ZDHHC21: variants seen among roughly 807,000 people sequenced by gnomAD.
ZDHHC21 encodes the protein zDHHC palmitoyltransferase 21.
A neutral mutation model predicts 34.6 loss-of-function variants in ZDHHC21; 15 were observed. The ratio of observed to expected loss-of-function variants is 0.43; its 90% CI spans 0.29 to 0.67. The LOEUF is 0.67. Ranked by LOEUF, ZDHHC21 falls within the 30% of genes least tolerant of loss-of-function variation. The pLI is 0.14. For missense variants in ZDHHC21, 344 were observed against 327.7 expected, an observed-to-expected ratio of 1.05 and a Z score of -0.38; for synonymous variants, 142 against 101.8, an observed-to-expected ratio of 1.40 and a Z score of -2.38.
chr9:14,605,461 C>T, the ZDHHC21 span, among the ~76,000 whole-genome samples: 3 of 152,058 alleles, frequency 2.0e-5, no homozygotes, highest in African/African-American at 7.2e-5. Context: ...CTTCACGTAC[C>T]TGTTGGTCAT....
intron 8 of ZDHHC21, among the ~76,000 whole-genome samples, chr9:14,620,558 G>A (rs1456848463): frequency 1.6e-5 from 1 of 62,990 alleles, no homozygotes; most frequent in Non-Finnish European, 2.8e-5. Flanking sequence ...TTTATACATA[G>A]GTGGACTTAT....
chr9:14,647,707 C>A (rs1188153883), intron 7 of ZDHHC21, among the ~76,000 whole-genome samples: 1 of 152,098 alleles, frequency 6.6e-6, no homozygotes, highest in African/African-American at 2.4e-5. Flanking sequence ...TCTCTCACCA[C>A]CATTCTACTC....
chr9:14,657,164 C>A (rs1176243896), intron 7 of ZDHHC21, among the ~76,000 whole-genome samples: 1 of 151,942 alleles, frequency 6.6e-6, no homozygotes, highest in East Asian at 1.9e-4. Flanking sequence ...ATTGGAATTT[C>A]CTTAGTTGGT....
At chr9:14,632,423 T>A (rs1827532092) in intron 8 of ZDHHC21, among the ~76,000 whole-genome samples, 1 of 152,048 alleles carries the variant, frequency 6.6e-6, no homozygotes, top group Admixed American at 6.6e-5. Flanking sequence ...GGACCCCTAC[T>A]TCACACAATG....
At chr9:14,646,692 A>G (rs1830330138) in intron 7 of ZDHHC21, among the ~76,000 whole-genome samples, 1 of 152,082 alleles carries the variant, frequency 6.6e-6, no homozygotes, top group South Asian at 2.1e-4. Context: ...AGACAACCAC[A>G]AGCATACTCC....
intron 8 of ZDHHC21, among the ~76,000 whole-genome samples, chr9:14,639,642 A>AT (rs1362925682): frequency 6.6e-6 from 1 of 152,126 alleles, no homozygotes; most frequent in East Asian, 1.9e-4. Context: ...CTGTGTATCA[A>AT]TAAAAAACTA....
rs1824286143 is a variant in ZDHHC21 at position 14,616,835 on chromosome 9, C to G, written c.*2131G>C. ...TTTGTAGTCCAATAATTTAGGGGAA[C>G]TGAGTACAGAGGGATCAGGACCAGG... On this transcript the variant is annotated 3_prime_UTR_variant, in exon 10 of 10. Transcript: ENST00000380916. 1 of 151,538 alleles carries G rather than the reference C, an allele frequency of 6.6e-6. No homozygotes were observed. Among genetic ancestry groups the G allele is most frequent in the Non-Finnish European group, 1.5e-5 (1 of 67,790 alleles). 9.4% of individuals were successfully genotyped at this position (151,538 alleles called of 1,614,324 possible). A position where few individuals can be genotyped will look rare whatever the true frequency, so the allele number is the denominator to read the frequency against.
At chr9:14,663,354 GGACCCT>G (rs1419832881) in intron 5 of ZDHHC21, among the ~76,000 whole-genome samples, 2 of 151,938 alleles carry the variant, frequency 1.3e-5, no homozygotes, top group African/African-American at 4.8e-5. Flanking sequence ...ATGAAGAGTA[GGACCCT>G]AGCACATACT....
chr9:14,627,696 C>T (rs1826529684), intron 8 of ZDHHC21, among the ~76,000 whole-genome samples: 1 of 152,104 alleles, frequency 6.6e-6, no homozygotes, highest in South Asian at 2.1e-4. Context: ...CACAATAGCT[C>T]ACTGTCAGAA....
At position 14,655,467 on chromosome 9, in the gene ZDHHC21, A is replaced by G. The variant is rs140204209; in HGVS notation, c.504+3282T>C. Reference sequence around the variant, plus strand: ...AACATATAACTTGTATAACAATATAACACATAATGTATATGTAACAACAAT... The same window carrying G: ...AACATATAACTTGTATAACAATATAGCACATAATGTATATGTAACAACAAT... On this transcript the variant is annotated intron_variant, in intron 7 of 9. Coordinates refer to ENST00000380916, the MANE Select transcript of ZDHHC21 (RefSeq NM_178566.6). Among the ~76,000 whole-genome samples the G allele has an allele frequency of 6.2e-4, 95 of 152,086 alleles. 1 individual carries two copies. The highest frequency in any genetic ancestry group is 1.8e-4 in the Non-Finnish European group (12 of 67,846).
At chr9:14,650,054 C>T (rs1163859548) in intron 7 of ZDHHC21, among the ~76,000 whole-genome samples, 5 of 151,964 alleles carry the variant, frequency 3.3e-5, no homozygotes, top group African/African-American at 1.2e-4. Context: ...TTATAACTGA[C>T]TATGGAAACA....
At chr9:14,637,751 GAGAA>G (rs1828564690) in intron 8 of ZDHHC21, among the ~76,000 whole-genome samples, 2 of 151,788 alleles carry the variant, frequency 1.3e-5, no homozygotes, top group South Asian at 4.2e-4. Flanking sequence ...ATAATGAACT[GAGAA>G]AGAAAGAAAA....
At chr9:14,597,196 ATT>A in the ZDHHC21 span, among the ~76,000 whole-genome samples, 1 of 151,886 alleles carries the variant, frequency 6.6e-6, no homozygotes, top group Non-Finnish European at 1.5e-5. Context: ...GCATGGTGCC[ATT>A]TGAGAGCTCA....
At chr9:14,625,004 C>T (rs1435914349) in intron 8 of ZDHHC21, among the ~76,000 whole-genome samples, 1 of 151,982 alleles carries the variant, frequency 6.6e-6, no homozygotes, top group Non-Finnish European at 1.5e-5. Flanking sequence ...ACTTTGCCTG[C>T]TTTATCTATT....
At chr9:14,622,023 T>C (rs1298821255) in intron 8 of ZDHHC21, among the ~76,000 whole-genome samples, 2 of 152,166 alleles carry the variant, frequency 1.3e-5, no homozygotes, top group African/African-American at 2.4e-5. Flanking sequence ...TCCTCAGTTA[T>C]ATGTAAAACT....
chr9:14,633,673 G>A (rs571845835), intron 8 of ZDHHC21, among the ~76,000 whole-genome samples: 1 of 152,236 alleles, frequency 6.6e-6, no homozygotes, highest in East Asian at 1.9e-4. Context: ...CACCAAGGCT[G>A]AAGCACAAAC....
downstream of ZDHHC21, among the ~76,000 whole-genome samples, chr9:14,609,409 G>A (rs112886450): frequency 2.6e-5 from 4 of 152,158 alleles, no homozygotes; most frequent in African/African-American, 9.6e-5. Flanking sequence ...TCAGACTTGG[G>A]TATTTGGCAA....
intron 8 of ZDHHC21, among the ~76,000 whole-genome samples, chr9:14,639,330 T>C (rs1828888531): frequency 6.6e-6 from 1 of 151,910 alleles, no homozygotes. Flanking sequence ...AGGTCAAGAA[T>C]TGAATGAGAG....
chr9:14,675,829 C>A (rs1171736354), intron 3 of ZDHHC21, among the ~76,000 whole-genome samples: 1 of 151,866 alleles, frequency 6.6e-6, no homozygotes, highest in East Asian at 1.9e-4. Context: ...AGAAGTGAAA[C>A]CTGAATTCAG....
Sources: gnomAD v4.1 joint callset for allele counts (sites outside exome capture counted in the v4.1 genomes callset) on GRCh38, gnomAD v4.1.1 for gene constraint, MANE v1.5 for transcripts, NCBI Gene and HGNC (gene_info 2026-07-23, HGNC 2026-07-21) for gene names.